Variants in DPH6 observed in about 807,000 individuals in gnomAD.
DPH6 encodes the protein diphthamine biosynthesis 6.
DPH6 carries 33 observed loss-of-function variants against 38.2 expected under a neutral mutation model. That is an observed-to-expected ratio of 0.86 (90% CI 0.65 to 1.15). DPH6 has a LOEUF of 1.15. DPH6 is among the 50% of genes most tolerant of loss of function. The probability of loss-of-function intolerance (pLI) is 0.00; values close to 1 mark genes in which losing one functional copy is unlikely to be tolerated. For missense variants in DPH6, 325 were observed against 320.0 expected, an observed-to-expected ratio of 1.02 and a Z score of -0.12; for synonymous variants, 108 against 103.0, an observed-to-expected ratio of 1.05 and a Z score of -0.30.
In DPH6 at chr15:35,451,867, A is replaced by G. The variant is rs563179523; in HGVS notation, c.387-1064T>C. Among the ~76,000 whole-genome samples the G allele has an allele frequency of 9.7e-4, 148 of 152,220 alleles. 2 individuals are homozygous for G. Among genetic ancestry groups the G allele is most frequent in the African/African-American group, 2.1e-3 (88 of 41,540 alleles). On this transcript the variant is annotated intron_variant, in intron 4 of 8. Transcript: ENST00000256538. ...CTACTAAAAATACAAAAAATTAGCCAGGCATGGTGGCGGGCGCCTGTGGTC... is the reference window on the plus strand; with the variant it reads ...CTACTAAAAATACAAAAAATTAGCCGGGCATGGTGGCGGGCGCCTGTGGTC...
At chr15:35,331,808 C>T (rs2052328844) in intron 3 of DPH6, among the ~76,000 whole-genome samples, 1 of 152,166 alleles carries the variant, frequency 6.6e-6, no homozygotes, top group Admixed American at 6.6e-5. Context: ...ATATCCTGTC[C>T]TGTCTCCATT....
intron 3 of DPH6, chr15:35,520,315 A>G: frequency 1.0e-6 from 1 of 980,892 alleles, no homozygotes; most frequent in Non-Finnish European, 1.2e-6. Flanking sequence ...AACTCAAAGT[A>G]AAATAGAAAA....
chr15:35,406,255 C>T (rs1371041080), intron 6 of DPH6, among the ~76,000 whole-genome samples: 3 of 151,944 alleles, frequency 2.0e-5, no homozygotes, highest in African/African-American at 7.3e-5. Context: ...GAGATATTCA[C>T]TCTGGGAAAC....
intron 5 of DPH6, among the ~76,000 whole-genome samples, chr15:35,422,187 G>T (rs560526376): frequency 2.0e-5 from 3 of 152,004 alleles, no homozygotes; most frequent in South Asian, 4.1e-4. Context: ...AATATTAATT[G>T]TGTTAAAATT....
intron 6 of DPH6, among the ~76,000 whole-genome samples, chr15:35,406,109 G>A (rs2053289521): frequency 6.6e-6 from 1 of 151,998 alleles, no homozygotes; most frequent in Non-Finnish European, 1.5e-5. Context: ...AGAGAAAAAT[G>A]GCAGCTCAAA....
At chr15:35,387,809 C>G (rs570307966) in intron 6 of DPH6, among the ~76,000 whole-genome samples, 1 of 152,286 alleles carries the variant, frequency 6.6e-6, no homozygotes, top group Admixed American at 6.5e-5. Flanking sequence ...TTGACTTGTT[C>G]TTTTCCTAAT....
intron 3 of DPH6, among the ~76,000 whole-genome samples, chr15:35,223,845 T>G (rs2051460005): frequency 6.6e-6 from 1 of 152,046 alleles, no homozygotes; most frequent in African/African-American, 2.4e-5. Flanking sequence ...AACTAATGCA[T>G]AATGAAATGT....
At chr15:35,498,976 T>C (rs1047356865) in intron 3 of DPH6, among the ~76,000 whole-genome samples, 1 of 150,934 alleles carries the variant, frequency 6.6e-6, no homozygotes, top group Non-Finnish European at 1.5e-5. Context: ...AGTATCCCGT[T>C]ATATATGTTA....
At chr15:35,177,747 T>C in the DPH6 span, among the ~76,000 whole-genome samples, 19 of 151,428 alleles carry the variant, frequency 1.3e-4, no homozygotes, top group Admixed American at 1.1e-3. Flanking sequence ...CGAGACCAGC[T>C]TGACCAACAT....
chr15:35,537,384 T>C (rs2055185496), intron 3 of DPH6, among the ~76,000 whole-genome samples: 2 of 152,160 alleles, frequency 1.3e-5, no homozygotes, highest in South Asian at 4.1e-4. Flanking sequence ...CCCTACTTCA[T>C]CAAATCTGCC....
intron 5 of DPH6, among the ~76,000 whole-genome samples, chr15:35,443,077 A>G (rs1029460043): frequency 2.0e-5 from 3 of 152,214 alleles, no homozygotes; most frequent in African/African-American, 7.2e-5. Flanking sequence ...AGGAATGTGT[A>G]GTCATAGTAG....
At chr15:35,402,605 G>A (rs1462595183) in intron 6 of DPH6, among the ~76,000 whole-genome samples, 2 of 152,064 alleles carry the variant, frequency 1.3e-5, no homozygotes, top group South Asian at 2.1e-4. Flanking sequence ...ATGGTCTTAG[G>A]ACATAAAGCC....
At chr15:35,444,042 C>T (rs927651553) in intron 5 of DPH6, among the ~76,000 whole-genome samples, 1 of 152,154 alleles carries the variant, frequency 6.6e-6, no homozygotes, top group Non-Finnish European at 1.5e-5. Flanking sequence ...CTCTCCAGGT[C>T]CTTCACTGCT....
chr15:35,350,862 G>T (rs1163183823), intron 3 of DPH6, among the ~76,000 whole-genome samples: 1 of 152,124 alleles, frequency 6.6e-6, no homozygotes, highest in Non-Finnish European at 1.5e-5. Context: ...GTCATCTTTA[G>T]AAACATTCTG....
the DPH6 span, among the ~76,000 whole-genome samples, chr15:35,186,398 G>A: frequency 6.6e-6 from 1 of 152,190 alleles, no homozygotes; most frequent in Admixed American, 6.5e-5. Context: ...CTGTGAACTT[G>A]AAGGGAATTC....
intron 3 of DPH6, among the ~76,000 whole-genome samples, chr15:35,271,837 G>A (rs1192885806): frequency 1.3e-5 from 2 of 152,210 alleles, no homozygotes; most frequent in African/African-American, 4.8e-5. Flanking sequence ...AGGGAGTCCT[G>A]TTGGCTTCAG....
rs565449779 is a variant in DPH6, at chr15:35,335,652, G to A, written n.208-4575C>T. On this transcript the variant is annotated intron_variant and non_coding_transcript_variant, in intron 3 of 3. Transcript: ENST00000558973. ...CAGGATCATTTATTAAATAGGGAATGCTTTCCCCATTGCTTGTTTTTGTCA... is the reference window on the plus strand; with the variant it reads ...CAGGATCATTTATTAAATAGGGAATACTTTCCCCATTGCTTGTTTTTGTCA... Among the ~76,000 whole-genome samples the A allele has an allele frequency of 1.2e-4, 19 of 152,156 alleles. No individual in the cohort carries two copies. The South Asian group carries it at 3.9e-3, about 32-fold the overall frequency.
chr15:35,443,157 C>G (rs958909815), intron 5 of DPH6, among the ~76,000 whole-genome samples: 17 of 152,026 alleles, frequency 1.1e-4, no homozygotes, highest in Admixed American at 1.1e-3. Context: ...AAAGCACATA[C>G]AAAAAATTCT....
At chr15:35,490,245 G>T in intron 3 of DPH6, 22 of 957,418 alleles carry the variant, frequency 2.3e-5, no homozygotes, top group Non-Finnish European at 2.7e-5. Context: ...AAACAAATAA[G>T]AAGACAGGCT....
Sources: gnomAD v4.1 joint callset for allele counts (sites outside exome capture counted in the v4.1 genomes callset) on GRCh38, gnomAD v4.1.1 for gene constraint, MANE v1.5 for transcripts, NCBI Gene and HGNC (gene_info 2026-07-23, HGNC 2026-07-21) for gene names.